Variants in NTSR1 observed in about 807,000 individuals in gnomAD.
NTSR1 encodes neurotensin receptor 1, also known as neurotensin receptor type 1.
A neutral mutation model predicts 31.2 loss-of-function variants in NTSR1; 29 were observed. The observed-to-expected ratio is 0.93, with a 90% CI of 0.69 to 1.27. The LOEUF (loss-of-function observed/expected upper bound fraction) is 1.27, where lower values mean the gene tolerates loss of function less well. Among genes scored for constraint, NTSR1 ranks in the 50% most tolerant of loss-of-function variants. The probability of loss-of-function intolerance (pLI) is 0.00; values close to 1 mark genes in which losing one functional copy is unlikely to be tolerated. For synonymous variants in NTSR1, 282 were observed against 269.9 expected (o/e 1.04, Z -0.44); for missense variants, 697 against 595.4 (o/e 1.17, Z -1.78).
chr20:62,722,524 G>A (rs1420738933), intron 1 of NTSR1, among the ~76,000 whole-genome samples: 1 of 152,218 alleles, frequency 6.6e-6, no homozygotes, highest in Non-Finnish European at 1.5e-5. Flanking sequence ...AGGCTTCTGA[G>A]GACCGTCACC....
Position 62,741,135 on chromosome 20 carries a change from C to T in NTSR1, c.715-13550C>T, listed in dbSNP as rs1989197957. Among the ~76,000 whole-genome samples the T allele has an allele frequency of 6.6e-6, 1 of 152,156 alleles. No individual in the cohort carries two copies. Among genetic ancestry groups the T allele is most frequent in the East Asian group, 1.9e-4 (1 of 5,182 alleles). On this transcript the variant is annotated intron_variant, in intron 1 of 3. Coordinates refer to ENST00000370501, the MANE Select transcript of NTSR1 (RefSeq NM_002531.3). The surrounding 1 kb of genome is among the most constrained non-coding windows in gnomAD (Gnocchi z 4.3). Reference sequence around the variant, plus strand: ...GCAAGGGTGTCAGGAAGGCTCTTTCCCTAATCTGACTAAGGCCCTCTGGGC... The same window carrying T: ...GCAAGGGTGTCAGGAAGGCTCTTTCTCTAATCTGACTAAGGCCCTCTGGGC...
At chr20:62,726,969 C>T (rs968043939) in intron 1 of NTSR1, among the ~76,000 whole-genome samples, 9 of 152,212 alleles carry the variant, frequency 5.9e-5, no homozygotes, top group Admixed American at 5.2e-4. Context: ...CATCTGGAAA[C>T]TGCTTTGTGG....
rs747712851 is a variant in NTSR1, at chr20:62,743,233, C to T, written c.715-11452C>T. Reference sequence around the variant, plus strand: ...GTGGTGTGGGTGCGTCATGCCATGGCGACCAGCCCCAAAGGGTGAGCCTTT... The same window carrying T: ...GTGGTGTGGGTGCGTCATGCCATGGTGACCAGCCCCAAAGGGTGAGCCTTT... On this transcript the variant is annotated intron_variant, in intron 1 of 3. Coordinates refer to ENST00000370501, the MANE Select transcript of NTSR1 (RefSeq NM_002531.3). This position sits in a 1 kb window ranked among gnomAD's most constrained non-coding sequence, Gnocchi z 7.5. Among the ~76,000 whole-genome samples, 5 of 149,548 alleles carry T rather than the reference C, an allele frequency of 3.3e-5. No homozygotes were observed. The highest frequency in any genetic ancestry group is 2.7e-4 in the Admixed American group (4 of 14,900).
In NTSR1 at chr20:62,742,190, G is replaced by C. The variant is rs1013648695; in HGVS notation, c.715-12495G>C. Among the ~76,000 whole-genome samples, 1 of 149,496 alleles carries C rather than the reference G, an allele frequency of 6.7e-6. No homozygotes were observed. The highest frequency in any genetic ancestry group is 1.5e-5 in the Non-Finnish European group (1 of 68,014). ...TCCATTTCATCCCCTCCCCACAGTG[G>C]TCCCACAGACACCGAGGTGGCTGAC... On this transcript the variant is annotated intron_variant, in intron 1 of 3. Transcript: ENST00000370501. This position sits in a 1 kb window ranked among gnomAD's most constrained non-coding sequence, Gnocchi z 7.1.
chr20:62,754,849 CA>C lies in NTSR1; in HGVS notation c.880del (p.Arg294GlyfsTer55), dbSNP rs1989455899. 6.2e-7 allele frequency: 1 copy of C among 1,606,626 alleles called. No individual in the cohort carries two copies. Among genetic ancestry groups the C allele is most frequent in the African/African-American group, 1.3e-5 (1 of 74,856 alleles). On this transcript the variant is annotated frameshift_variant, in exon 2 of 4. Transcript: ENST00000370501. LOFTEE classifies it high-confidence loss of function. ...CATTCAGCATGGCCATCGAGCCTGG[CA>C]GGGTCCAGGCCCTGCGGCACGGCGT... Reference protein sequence around the residue: ...STFSMAIEPGRVQALRHGVRV... With the variant: ...STFSMAIEPGXVQALRHGVRV...
In NTSR1 at chr20:62,709,893, A is replaced by G; in HGVS notation, c.686A>G (p.His229Arg). 1 of 1,598,694 alleles carries G rather than the reference A, an allele frequency of 6.3e-7. No homozygotes were observed. The highest frequency in any genetic ancestry group is 8.5e-7 in the Non-Finnish European group (1 of 1,169,848). ...GGCCTGGTGTGCACCCCCACCATCC[A>G]CACTGCCACCGTCAAGGTCGTCATA... ...AGGLVCTPTIHTATVKVVIQV... is the reference protein window; with the variant it reads ...AGGLVCTPTIRTATVKVVIQV... The change falls in exon 1 of 4, where the codon CAC becomes CGC. Residue 229 changes from histidine (H) to arginine (R), a missense_variant. His to Arg is a conservative substitution (Grantham distance 29). Coordinates refer to ENST00000370501, the MANE Select transcript of NTSR1 (RefSeq NM_002531.3).
Position 62,708,957 on chromosome 20 carries a change from C to T in NTSR1, c.-251C>T, listed in dbSNP as rs918337917. Reference sequence around the variant, plus strand: ...GGCAAGCGCCGAGCCGGGAGACAGCCCGAGGAACCACGGGTTCTGGAGCTA... The same window carrying T: ...GGCAAGCGCCGAGCCGGGAGACAGCTCGAGGAACCACGGGTTCTGGAGCTA... On this transcript the variant is annotated 5_prime_UTR_variant, in exon 1 of 4. Coordinates refer to ENST00000370501, the MANE Select transcript of NTSR1 (RefSeq NM_002531.3). The surrounding 1 kb of genome is among the most constrained non-coding windows in gnomAD (Gnocchi z 5.9). The T allele has an allele frequency of 2.7e-5, 11 of 411,550 alleles. No individual in the cohort carries two copies. The highest frequency in any genetic ancestry group is 2.1e-4 in the African/African-American group (10 of 48,086). The allele number at this position is 411,550 out of a possible 1,614,324, so 25.5% of individuals were successfully genotyped here.
intron 1 of NTSR1, 134 bp downstream of exon 1, chr20:62,710,055 T>G (rs1042255470): frequency 9.4e-6 from 7 of 742,082 alleles, no homozygotes; most frequent in Non-Finnish European, 1.5e-5. Context: ...GGAAGGCGGT[T>G]GGGGCAGCTT....
At chr20:62,731,547 T>C (rs1989002068) in intron 1 of NTSR1, among the ~76,000 whole-genome samples, 1 of 152,240 alleles carries the variant, frequency 6.6e-6, no homozygotes, top group Non-Finnish European at 1.5e-5. Context: ...TTGTATTTTA[T>C]ATTAAATAAA....
intron 1 of NTSR1, among the ~76,000 whole-genome samples, chr20:62,734,580 G>A (rs982848891): frequency 2.6e-5 from 4 of 152,214 alleles, no homozygotes; most frequent in African/African-American, 4.8e-5. Context: ...AGGAGCAGGC[G>A]CTGGTGTGCC....
Position 62,711,231 on chromosome 20 carries a change from C to T in NTSR1, c.714+1310C>T, listed in dbSNP as rs1008487305. Among the ~76,000 whole-genome samples, 6 of 152,160 alleles carry T rather than the reference C, an allele frequency of 3.9e-5. No homozygotes were observed. The highest frequency in any genetic ancestry group is 1.4e-4 in the African/African-American group (6 of 41,430). ...TACAGGTGTCCCATCTCGGGGAGGC[C>T]CCTCCCACAGACACTGGTGGCAGGC... is the stretch of plus-strand genomic sequence containing the variant. On this transcript the variant is annotated intron_variant, in intron 1 of 3. Coordinates refer to ENST00000370501, the MANE Select transcript of NTSR1 (RefSeq NM_002531.3). This position sits in a 1 kb window ranked among gnomAD's most constrained non-coding sequence, Gnocchi z 6.4.
At chr20:62,753,951 C>T (rs563928286) in intron 1 of NTSR1, among the ~76,000 whole-genome samples, 7 of 152,318 alleles carry the variant, frequency 4.6e-5, no homozygotes, top group Admixed American at 3.9e-4. Context: ...GCAGAAGGAG[C>T]GGGACTCAGC....
chr20:62,712,142 C>G (rs1268357410), intron 1 of NTSR1, among the ~76,000 whole-genome samples: 2 of 152,178 alleles, frequency 1.3e-5, no homozygotes, highest in African/African-American at 4.8e-5. Flanking sequence ...GTAGGAGAGG[C>G]CTTGGCTTCC....
intron 2 of NTSR1, chr20:62,756,682 C>G (rs549093965): frequency 6.6e-6 from 1 of 152,280 alleles, no homozygotes; most frequent in Non-Finnish European, 1.5e-5. Flanking sequence ...CCCATCCTAT[C>G]GGAACCCTGA....
In NTSR1 at chr20:62,714,822, C is replaced by T. The variant is rs1321830939; in HGVS notation, c.714+4901C>T. On this transcript the variant is annotated intron_variant, in intron 1 of 3. Transcript: ENST00000370501. The surrounding 1 kb of genome is among the most constrained non-coding windows in gnomAD (Gnocchi z 4.1). ...GACAAGTCAACCTGTCGCAGAAAGC[C>T]GGCACCAAAGCTGATCATTCTTCCT... 6.6e-6 allele frequency among the ~76,000 whole-genome samples: 1 copy of T among 152,122 alleles called. No homozygotes were observed. The highest frequency in any genetic ancestry group is 2.4e-5 in the African/African-American group (1 of 41,398).
rs1485525683 is a variant in NTSR1 at position 62,745,324 on chromosome 20, CAG to C, written c.715-9357_715-9356del. Among the ~76,000 whole-genome samples, 1 of 151,592 alleles carries C rather than the reference CAG, an allele frequency of 6.6e-6. No homozygotes were observed. Among genetic ancestry groups the C allele is most frequent in the Non-Finnish European group, 1.5e-5 (1 of 67,952 alleles). On this transcript the variant is annotated intron_variant, in intron 1 of 3. Transcript: ENST00000370501. The surrounding 1 kb of genome is among the most constrained non-coding windows in gnomAD (Gnocchi z 4.1). ...AGAGGAAAACAGACACAGGGAGACA[CAG>C]AGACAGAGATACAGAGACACAAGAA...
intron 1 of NTSR1, among the ~76,000 whole-genome samples, chr20:62,720,346 T>TTTC (rs1261808777): frequency 2.0e-5 from 3 of 152,232 alleles, no homozygotes; most frequent in African/African-American, 7.2e-5. Context: ...AGGTTATATA[T>TTTC]TTCTCCTTGA....
intron 1 of NTSR1, among the ~76,000 whole-genome samples, chr20:62,725,116 C>T (rs1310692145): frequency 6.6e-6 from 1 of 152,236 alleles, no homozygotes; most frequent in Admixed American, 6.5e-5. Flanking sequence ...CAGACAAGTG[C>T]TCCCCAAGGC....
chr20:62,758,303 C>G lies in NTSR1; in HGVS notation c.954C>G (p.Pro318=). The change falls in exon 3 of 4, where the codon CCC becomes CCG. Residue 318 remains proline (P), a synonymous_variant. Coordinates refer to ENST00000370501, the MANE Select transcript of NTSR1 (RefSeq NM_002531.3). This position sits in a 1 kb window ranked among gnomAD's most constrained non-coding sequence, Gnocchi z 4.5. ...TCGCCTTTGTGGTCTGCTGGCTGCC[C>G]TACCACGTGCGGCGCCTCATGTTCT... is the stretch of plus-strand genomic sequence containing the variant. ...VVIAFVVCWL[P]YHVRRLMFCY... The G allele has an allele frequency of 6.2e-7, 1 of 1,613,790 alleles. No individual in the cohort carries two copies. Among genetic ancestry groups the G allele is most frequent in the Admixed American group, 1.7e-5 (1 of 60,022 alleles).
Sources: gnomAD v4.1 joint callset for allele counts (sites outside exome capture counted in the v4.1 genomes callset) on GRCh38, gnomAD v4.1.1 for gene constraint, Gnocchi (gnomAD v3.1) non-coding constraint, MANE v1.5 for transcripts, NCBI Gene and HGNC (gene_info 2026-07-23, HGNC 2026-07-21) for gene names.